The following BECN1 variants were observed in gnomAD, a reference collection of about 807,000 sequenced individuals.
BECN1 encodes the protein beclin 1.
A neutral mutation model predicts 60.1 loss-of-function variants in BECN1; 15 were observed. The observed-to-expected ratio is 0.25, with a 90% CI of 0.17 to 0.38. BECN1 has a LOEUF of 0.38. Among genes scored for constraint, BECN1 ranks in the 10% least tolerant of loss-of-function variants. BECN1 has a pLI of 1.00. For synonymous variants in BECN1, 179 were observed against 201.8 expected (o/e 0.89, Z 0.96); for missense variants, 424 against 548.2 (o/e 0.77, Z 2.26).
Position 42,815,894 on chromosome 17 carries a change from C to G in BECN1, c.830+14G>C. ...AGATATGTGCAGTGCTCCTCATCCC[C>G]TAGCTCTCATTACCAGATGTGGAAG... On this transcript the variant is annotated intron_variant, in intron 8 of 11. Coordinates refer to ENST00000590099, the MANE Select transcript of BECN1 (RefSeq NM_001313998.2). 1 of 1,614,172 alleles carries G rather than the reference C, an allele frequency of 6.2e-7. No individual in the cohort carries two copies. The highest frequency in any genetic ancestry group is 8.5e-7 in the Non-Finnish European group (1 of 1,180,014).
chr17:42,820,959 A>G, intron 2 of BECN1, 118 bp from the exon 3 acceptor site: 1 of 853,218 alleles, frequency 1.2e-6, no homozygotes, highest in Non-Finnish European at 1.9e-6. Flanking sequence ...AATTTTTCTT[A>G]AAGTACCATT....
intron 3 of BECN1, 142 bp from the exon 4 acceptor site, chr17:42,819,751 T>C: frequency 1.3e-6 from 1 of 790,870 alleles, no homozygotes. Context: ...ATGGGTATTA[T>C]CGAAGCAATC....
At chr17:42,814,906 G>A (rs895880594) in intron 8 of BECN1, 27 of 540,126 alleles carry the variant, frequency 5.0e-5, no homozygotes, top group African/African-American at 1.1e-4. Flanking sequence ...AGCTCCTTCC[G>A]TGCAAAACTG....
chr17:42,823,159 T>C (rs1375831224), intron 2 of BECN1, among the ~76,000 whole-genome samples: 1 of 152,218 alleles, frequency 6.6e-6, no homozygotes, highest in Non-Finnish European at 1.5e-5. Flanking sequence ...TATTACTATA[T>C]AGTAAGTCCT....
chr17:42,813,123 C>T (rs921051380), intron 10 of BECN1, among the ~76,000 whole-genome samples: 6 of 151,152 alleles, frequency 4.0e-5, no homozygotes, highest in Non-Finnish European at 8.8e-5. Context: ...GGATTACAGG[C>T]GTGAGCCACT....
At chr17:42,813,847 T>A in intron 10 of BECN1, 101 bp downstream of exon 10, 1 of 836,116 alleles carries the variant, frequency 1.2e-6, no homozygotes. Context: ...CATATCTAGG[T>A]CTAAAAAATA....
chr17:42,814,207 C>A, intron 9 of BECN1, 199 bp from the exon 10 acceptor site: 1 of 549,404 alleles, frequency 1.8e-6, no homozygotes, highest in Non-Finnish European at 3.2e-6. Context: ...ATATAATTGC[C>A]TGGGGGCCTT....
Position 42,813,976 on chromosome 17 carries a change from TATGA to T in BECN1, c.1009_1012del (p.Ser337IlefsTer5). 2 of 1,606,588 alleles carry T rather than the reference TATGA, an allele frequency of 1.2e-6. No homozygotes were observed. The highest frequency in any genetic ancestry group is 1.7e-6 in the Non-Finnish European group (2 of 1,174,702). ...AGATTTGTCTGTCAGAGACTCCAGA[TATGA>T]ATGGTTTCCGTAAGGAACAAGTCGG... On this transcript the variant is annotated frameshift_variant, in exon 10 of 12. Coordinates refer to ENST00000590099, the MANE Select transcript of BECN1 (RefSeq NM_001313998.2). LOFTEE classifies it high-confidence loss of function.
At chr17:42,821,026 T>C (rs1351955278) in intron 2 of BECN1, among the ~76,000 whole-genome samples, 185 bp from the exon 3 acceptor site, 1 of 152,194 alleles carries the variant, frequency 6.6e-6, no homozygotes, top group Non-Finnish European at 1.5e-5. Context: ...TAAAGAAATG[T>C]TCAATTTTTT....
chr17:42,821,701 T>C (rs1487346859), intron 2 of BECN1, among the ~76,000 whole-genome samples: 2 of 152,210 alleles, frequency 1.3e-5, no homozygotes, highest in African/African-American at 2.4e-5. Flanking sequence ...CTAAGATTCA[T>C]ACATTTCAAG....
rs2055200132 is a variant in BECN1, at chr17:42,818,796, T to C, written c.342A>G (p.Arg114=). ...SDGGTMENLS[R]RLKVTGDLFD... ...AATGGGGCCGACTTGCCTTCAGTCT[T>C]CGGCTGAGGTTCTCCATGGTGCCGC... The change falls in exon 5 of 12, where the codon CGA becomes CGG. Residue 114 remains arginine, a synonymous_variant. Coordinates refer to ENST00000590099, the MANE Select transcript of BECN1 (RefSeq NM_001313998.2). 1 of 1,614,150 alleles carries C rather than the reference T, an allele frequency of 6.2e-7. No homozygotes were observed. The highest frequency in any genetic ancestry group is 8.5e-7 in the Non-Finnish European group (1 of 1,180,028).
At chr17:42,818,977 G>A in intron 4 of BECN1, 100 bp from the exon 5 acceptor site, 1 of 1,345,840 alleles carries the variant, frequency 7.4e-7, no homozygotes, top group Non-Finnish European at 1.0e-6. Flanking sequence ...ACCAGCTGAG[G>A]GGCCTCAAGG....
chr17:42,817,116 G>T (rs530729344), intron 7 of BECN1, among the ~76,000 whole-genome samples: 29 of 151,730 alleles, frequency 1.9e-4, no homozygotes, highest in African/African-American at 7.0e-4. Context: ...GCAACATGGG[G>T]AAACTCCATC....
chr17:42,811,764 A>T lies in BECN1; in HGVS notation c.1075T>A (p.Phe359Ile), dbSNP rs1567667349. ...LPLYCSGGLR[F>I]FWDNKFDHAM... The stretch of plus-strand genomic sequence containing the variant: ...TGGTCAAACTTGTTGTCCCAGAAAA[A>T]CCGCAACCCCCCAGAACAGTATAAC... Residue 359 changes from phenylalanine (F) to isoleucine (I), a missense_variant, in exon 11 of 12, where the codon TTT becomes ATT. Physicochemically the swap from Phe to Ile is conservative, Grantham distance 21. Transcript: ENST00000590099. 6.2e-7 allele frequency: 1 copy of T among 1,614,016 alleles called. No homozygotes were observed. Among genetic ancestry groups the T allele is most frequent in the African/African-American group, 1.3e-5 (1 of 74,886 alleles).
chr17:42,818,966 C>G (rs764881127), intron 4 of BECN1, 89 bp from the exon 5 acceptor site: 5 of 1,451,138 alleles, frequency 3.4e-6, no homozygotes, highest in Non-Finnish European at 4.8e-6. Context: ...GACTCTCAAG[C>G]ACCAGCTGAG....
intron 8 of BECN1, chr17:42,814,940 C>A (rs779537666): frequency 2.1e-6 from 1 of 473,962 alleles, no homozygotes; most frequent in Non-Finnish European, 3.8e-6. Context: ...ATTCTACCTG[C>A]TAAATATCTT....
intron 9 of BECN1, 23 bp downstream of exon 9, chr17:42,814,501 C>A (rs901907797): frequency 6.2e-7 from 1 of 1,613,786 alleles, no homozygotes; most frequent in Non-Finnish European, 8.5e-7. Context: ...CATCACTCCC[C>A]AAGAAAGGGC....
Position 42,810,925 on chromosome 17 carries a change from C to G in BECN1, c.1188G>C (p.Met396Ile). ...CTTCAATCTTGCCTTTCTCCACATCCATCCTGCAGATGGACAGAGCAAAAC... is the reference window on the plus strand; with the variant it reads ...CTTCAATCTTGCCTTTCTCCACATCGATCCTGCAGATGGACAGAGCAAAAC... ...GETRFCLPYR[M>I]DVEKGKIEDT... The change falls in exon 12 of 12, where the codon ATG (methionine) becomes ATC (isoleucine). Residue 396 changes from methionine to isoleucine, a missense_variant. Met to Ile is a conservative substitution (Grantham distance 10). Around this residue, in one of 3 missense-constraint regions of BECN1, gnomAD observed 326 missense variants for 406.2 expected, o/e 0.80. Coordinates refer to ENST00000590099, the MANE Select transcript of BECN1 (RefSeq NM_001313998.2). 1 of 1,606,616 alleles carries G rather than the reference C, an allele frequency of 6.2e-7. No individual in the cohort carries two copies. Among genetic ancestry groups the G allele is most frequent in the Non-Finnish European group, 8.5e-7 (1 of 1,176,686 alleles).
chr17:42,820,891 G>C, intron 2 of BECN1, 50 bp from the exon 3 acceptor site: 2 of 1,481,828 alleles, frequency 1.3e-6, no homozygotes, highest in Non-Finnish European at 9.3e-7. Context: ...TAAAGCAGGA[G>C]GGCATCTGAA....
Sources: allele counts gnomAD v4.1 joint callset (sites outside exome capture counted in the v4.1 genomes callset), GRCh38; gene constraint gnomAD v4.1.1; regional missense constraint gnomAD v4.1.1; transcripts MANE v1.5; gene names NCBI Gene and HGNC (gene_info 2026-07-23, HGNC 2026-07-21).